DLGAP4: variants seen among roughly 807,000 people sequenced by gnomAD.
The protein encoded by DLGAP4 is DLG associated protein 4.
Under a neutral mutation model 86.9 loss-of-function variants are expected in DLGAP4, and 18 were observed. The ratio of observed to expected loss-of-function variants is 0.21; its 90% CI spans 0.14 to 0.31. The LOEUF (loss-of-function observed/expected upper bound fraction) is 0.31, where lower values mean the gene tolerates loss of function less well. Ranked by LOEUF, DLGAP4 falls within the 10% of genes least tolerant of loss-of-function variation. The probability of loss-of-function intolerance (pLI) is 1.00; values close to 1 mark genes in which losing one functional copy is unlikely to be tolerated. For missense variants in DLGAP4, 1,085 were observed against 1,362.6 expected, an observed-to-expected ratio of 0.80 and a Z score of 3.21; for synonymous variants, 548 against 574.3, an observed-to-expected ratio of 0.95 and a Z score of 0.65.
intron 7 of DLGAP4, among the ~76,000 whole-genome samples, chr20:36,463,198 C>T (rs561869009): frequency 3.9e-5 from 6 of 152,272 alleles, no homozygotes; most frequent in African/African-American, 1.4e-4. Flanking sequence ...AGTCTAACCT[C>T]TGGGGCCTTG....
intron 1 of DLGAP4, among the ~76,000 whole-genome samples, chr20:36,331,221 C>T (rs533514254): frequency 1.6e-4 from 25 of 152,330 alleles, no homozygotes; most frequent in Non-Finnish European, 3.1e-4. Context: ...GCCTATTGAG[C>T]GTCTGCTCCC....
intron 1 of DLGAP4, among the ~76,000 whole-genome samples, chr20:36,346,213 A>G (rs890708240): frequency 6.6e-6 from 1 of 152,202 alleles, no homozygotes; most frequent in African/African-American, 2.4e-5. Context: ...GCAGAGTCCA[A>G]GGACTGACGG....
At chr20:36,514,478 T>C (rs1424753959) in intron 10 of DLGAP4, among the ~76,000 whole-genome samples, 1 of 152,154 alleles carries the variant, frequency 6.6e-6, no homozygotes, top group East Asian at 1.9e-4. Flanking sequence ...TGGTGTGATC[T>C]CAGCTCAATG....
At chr20:36,388,629 C>T (rs559374151) in intron 2 of DLGAP4, among the ~76,000 whole-genome samples, 40 of 152,276 alleles carry the variant, frequency 2.6e-4, no homozygotes, top group African/African-American at 9.4e-4. Flanking sequence ...TGCTCACTTA[C>T]CTATTAGCTG....
chr20:36,455,677 C>A (rs1184368572), intron 7 of DLGAP4, among the ~76,000 whole-genome samples: 1 of 152,138 alleles, frequency 6.6e-6, no homozygotes. Flanking sequence ...CAGGTACCTC[C>A]CATCTGTGAC....
At chr20:36,497,278 G>C in intron 8 of DLGAP4, 6 of 985,448 alleles carry the variant, frequency 6.1e-6, no homozygotes, top group South Asian at 4.7e-5. Flanking sequence ...GCAGCTGTGG[G>C]CATGTGTTTC....
chr20:36,348,837 A>AGG, intron 1 of DLGAP4, among the ~76,000 whole-genome samples: 1 of 149,728 alleles, frequency 6.7e-6, no homozygotes, highest in East Asian at 2.1e-4. Flanking sequence ...GTGGTGGCTT[A>AGG]TGCCTGTAAT....
At chr20:36,474,439 G>T (rs540605675) in intron 7 of DLGAP4, among the ~76,000 whole-genome samples, 1 of 152,220 alleles carries the variant, frequency 6.6e-6, no homozygotes, top group Non-Finnish European at 1.5e-5. Context: ...AGTTCTCTCT[G>T]CAGGGTCATC....
chr20:36,480,481 A>G (rs926872045), intron 7 of DLGAP4, among the ~76,000 whole-genome samples: 2 of 152,136 alleles, frequency 1.3e-5, no homozygotes, highest in African/African-American at 2.4e-5. Context: ...GGGTGAGATG[A>G]TGGCTTGAGC....
chr20:36,340,671 G>A (rs1224877152), intron 1 of DLGAP4, among the ~76,000 whole-genome samples: 4 of 152,114 alleles, frequency 2.6e-5, no homozygotes, highest in South Asian at 2.1e-4. Context: ...GTTCCTGGGC[G>A]GCAGGGCTGA....
chr20:36,439,928 G>A (rs1308532259), intron 5 of DLGAP4, 60 bp downstream of exon 5: 2 of 1,443,228 alleles, frequency 1.4e-6, no homozygotes, highest in South Asian at 1.2e-5. Context: ...CCATCTGGGA[G>A]GAGGACACAC....
At chr20:36,469,190 A>G (rs774608085) in intron 7 of DLGAP4, among the ~76,000 whole-genome samples, 9 of 152,120 alleles carry the variant, frequency 5.9e-5, no homozygotes, top group Admixed American at 6.5e-5. Context: ...TGTGCCTGGC[A>G]GTGAGCTGGC....
At chr20:36,429,853 G>C (rs1261483449) in intron 2 of DLGAP4, among the ~76,000 whole-genome samples, 1 of 152,114 alleles carries the variant, frequency 6.6e-6, no homozygotes, top group African/African-American at 2.4e-5. Flanking sequence ...GGCATATTTG[G>C]GGGCCATTAT....
intron 7 of DLGAP4, among the ~76,000 whole-genome samples, chr20:36,479,062 G>A (rs1023727094): frequency 2.0e-5 from 3 of 152,176 alleles, no homozygotes; most frequent in African/African-American, 7.2e-5. Context: ...GACAGGATGG[G>A]GTGGTTGGTG....
chr20:36,334,400 G>A (rs1402159224), intron 1 of DLGAP4, among the ~76,000 whole-genome samples: 3 of 152,158 alleles, frequency 2.0e-5, no homozygotes, highest in African/African-American at 4.8e-5. Context: ...CAGATGAGAA[G>A]GAGTGTGACC....
At chr20:36,425,336 C>T (rs1254827529) in intron 2 of DLGAP4, among the ~76,000 whole-genome samples, 1 of 152,140 alleles carries the variant, frequency 6.6e-6, no homozygotes, top group Non-Finnish European at 1.5e-5. Flanking sequence ...AGATGCTCAA[C>T]ATCATTAGTC....
chr20:36,349,536 A>G (rs1367054185), intron 1 of DLGAP4, among the ~76,000 whole-genome samples: 1 of 152,170 alleles, frequency 6.6e-6, no homozygotes, highest in Non-Finnish European at 1.5e-5. Flanking sequence ...CATTAATGGA[A>G]AGGGGGCTCT....
At chr20:36,471,971 A>G (rs1213349395) in intron 7 of DLGAP4, among the ~76,000 whole-genome samples, 2 of 152,162 alleles carry the variant, frequency 1.3e-5, no homozygotes, top group South Asian at 2.1e-4. Flanking sequence ...GACCTCTAGA[A>G]CCTGTGCAGG....
intron 6 of DLGAP4, among the ~76,000 whole-genome samples, chr20:36,443,332 C>T (rs914200982): frequency 6.6e-6 from 1 of 152,178 alleles, no homozygotes; most frequent in African/African-American, 2.4e-5. Context: ...CATTCCTATC[C>T]TGCCCCTGGA....
Sources: gnomAD v4.1 joint callset for allele counts (sites outside exome capture counted in the v4.1 genomes callset) on GRCh38, gnomAD v4.1.1 for gene constraint, MANE v1.5 for transcripts, NCBI Gene and HGNC (gene_info 2026-07-23, HGNC 2026-07-21) for gene names.